Variants in LUZP2 observed in about 807,000 individuals in gnomAD.
The protein encoded by LUZP2 is leucine zipper protein 2.
LUZP2 carries 52 observed loss-of-function variants against 51.6 expected under a neutral mutation model. That is an observed-to-expected ratio of 1.01 (90% CI 0.81 to 1.27). The LOEUF is 1.27. Among genes scored for constraint, LUZP2 ranks in the 50% most tolerant of loss-of-function variants. The probability of loss-of-function intolerance (pLI) is 0.00; values close to 1 mark genes in which losing one functional copy is unlikely to be tolerated. For synonymous variants in LUZP2, 154 were observed against 137.3 expected (o/e 1.12, Z -0.85); for missense variants, 436 against 395.4 (o/e 1.10, Z -0.87).
chr11:25,032,575 A>T (rs1857721232), intron 9 of LUZP2, among the ~76,000 whole-genome samples: 1 of 152,028 alleles, frequency 6.6e-6, no homozygotes, highest in South Asian at 2.1e-4. Flanking sequence ...TTTTATTTTC[A>T]TGCCCTTAGA....
At chr11:24,840,836 C>G (rs1183590256) in intron 5 of LUZP2, among the ~76,000 whole-genome samples, 2 of 151,992 alleles carry the variant, frequency 1.3e-5, no homozygotes, top group African/African-American at 4.8e-5. Context: ...TTGTCAGCAT[C>G]ATTCTATCTA....
chr11:24,595,894 A>G (rs1219537277), intron 1 of LUZP2, among the ~76,000 whole-genome samples: 1 of 152,220 alleles, frequency 6.6e-6, no homozygotes, highest in Non-Finnish European at 1.5e-5. Context: ...AGACTGAGAC[A>G]TGGAGTCAAT....
chr11:24,761,374 A>G (rs1308139723), intron 4 of LUZP2, among the ~76,000 whole-genome samples: 1 of 152,198 alleles, frequency 6.6e-6, no homozygotes, highest in East Asian at 1.9e-4. Context: ...CTAAACCATT[A>G]GAAACCACCC....
intron 5 of LUZP2, among the ~76,000 whole-genome samples, chr11:24,854,667 G>GA (rs34378292): frequency 1.5e-3 from 209 of 135,636 alleles, no homozygotes; most frequent in African/African-American, 5.1e-3. Context: ...ACTGGGATAT[G>GA]AAAAAAAAAA....
intron 4 of LUZP2, among the ~76,000 whole-genome samples, chr11:24,753,405 G>A (rs1466340372): frequency 6.6e-6 from 1 of 152,110 alleles, no homozygotes; most frequent in African/African-American, 2.4e-5. Flanking sequence ...CATTACTTCA[G>A]CTTTATGTCC....
intron 4 of LUZP2, among the ~76,000 whole-genome samples, chr11:24,745,526 C>T (rs916933254): frequency 6.6e-6 from 1 of 152,140 alleles, no homozygotes; most frequent in Admixed American, 6.5e-5. Flanking sequence ...AGAATAGCTA[C>T]CCCTGCTTGC....
At chr11:24,715,434 C>T (rs1590389500) in intron 1 of LUZP2, among the ~76,000 whole-genome samples, 1 of 152,108 alleles carries the variant, frequency 6.6e-6, no homozygotes, top group Non-Finnish European at 1.5e-5. Context: ...ACCTCACCAA[C>T]TTCTCCAGAT....
chr11:24,549,354 G>A (rs1314553506), intron 1 of LUZP2, among the ~76,000 whole-genome samples: 1 of 152,028 alleles, frequency 6.6e-6, no homozygotes, highest in Admixed American at 6.6e-5. Context: ...AGCACACACG[G>A]AGCTGTCCTC....
chr11:24,503,300 A>G (rs915081256), intron 1 of LUZP2, among the ~76,000 whole-genome samples: 2 of 152,218 alleles, frequency 1.3e-5, no homozygotes, highest in African/African-American at 2.4e-5. Flanking sequence ...AATGACATCT[A>G]TGAACTGAGT....
chr11:25,047,397 AT>A (rs56939257), intron 9 of LUZP2, among the ~76,000 whole-genome samples: 2,142 of 110,948 alleles, frequency 0.019, 36 homozygotes, highest in South Asian at 0.097. Context: ...ATTTTTTTTA[AT>A]TTTTTTTTTA....
chr11:24,833,607 T>C (rs2716500), intron 5 of LUZP2, among the ~76,000 whole-genome samples: 23,824 of 152,034 alleles, frequency 0.16, 2,074 homozygotes, highest in African/African-American at 0.22. Context: ...AGTGCTCATT[T>C]TTGAGCTCCA....
intron 9 of LUZP2, among the ~76,000 whole-genome samples, chr11:24,996,552 T>C (rs1050537790): frequency 1.3e-5 from 2 of 151,246 alleles, no homozygotes; most frequent in Middle Eastern, 3.4e-3. Flanking sequence ...ATTATTCAGA[T>C]ATTATTTTTC....
At position 24,917,649 on chromosome 11, in the gene LUZP2, G is replaced by A. The variant is rs1381831285; in HGVS notation, c.522+3111G>A. ...TGTCAAAGATCAGATGGTTGTAGAT[G>A]TGTGGTATTATTTCTGAGGGCTCTG... On this transcript the variant is annotated intron_variant, in intron 7 of 11. Transcript: ENST00000336930. 3.3e-5 allele frequency among the ~76,000 whole-genome samples: 5 copies of A among 151,988 alleles called. No homozygotes were observed. In the South Asian group the frequency reaches 1.0e-3, roughly 32 times the overall value.
chr11:24,915,975 G>GATTTT (rs1265817462), intron 7 of LUZP2, among the ~76,000 whole-genome samples: 1 of 151,952 alleles, frequency 6.6e-6, no homozygotes, highest in Non-Finnish European at 1.5e-5. Flanking sequence ...ATTTTGAATA[G>GATTTT]ATTTTATTTT....
At chr11:24,851,499 G>A (rs923232305) in intron 5 of LUZP2, among the ~76,000 whole-genome samples, 1 of 152,110 alleles carries the variant, frequency 6.6e-6, no homozygotes, top group Non-Finnish European at 1.5e-5. Flanking sequence ...ACTGGATTCA[G>A]TTTGCCAGTA....
At chr11:24,761,288 G>A (rs1015562902) in intron 4 of LUZP2, among the ~76,000 whole-genome samples, 1 of 152,096 alleles carries the variant, frequency 6.6e-6, no homozygotes, top group African/African-American at 2.4e-5. Context: ...AGACAGAGAA[G>A]GGGGAGAGAT....
At chr11:24,752,143 A>G (rs1859615213) in intron 4 of LUZP2, among the ~76,000 whole-genome samples, 1 of 152,172 alleles carries the variant, frequency 6.6e-6, no homozygotes. Flanking sequence ...GTCACAAAAT[A>G]AAAGCACACA....
rs370109179 is a variant in LUZP2, at chr11:25,033,382, A to G, written c.766-16656A>G. 7.0e-4 allele frequency among the ~76,000 whole-genome samples: 107 copies of G among 151,776 alleles called. 1 individual carries two copies. The highest frequency in any genetic ancestry group is 3.4e-3 in the Middle Eastern group (1 of 294). On this transcript the variant is annotated intron_variant, in intron 9 of 11. Coordinates refer to ENST00000336930, the MANE Select transcript of LUZP2 (RefSeq NM_001009909.4). ...CCATTTAGGTTTTTTAAATATTTGT[A>G]TTGAATGCATAAAAATAAACATGTT...
intron 1 of LUZP2, among the ~76,000 whole-genome samples, chr11:24,678,445 A>G (rs948430766): frequency 6.6e-6 from 1 of 152,154 alleles, no homozygotes; most frequent in African/African-American, 2.4e-5. Context: ...CTTTTGCTGT[A>G]TTCCCAGTGT....
Sources: allele counts gnomAD v4.1 joint callset (sites outside exome capture counted in the v4.1 genomes callset), GRCh38; gene constraint gnomAD v4.1.1; transcripts MANE v1.5; gene names NCBI Gene and HGNC (gene_info 2026-07-23, HGNC 2026-07-21).